Variants in CDH20 observed in about 807,000 individuals in gnomAD.
CDH20 encodes the protein cadherin 20.
A neutral mutation model predicts 74.2 loss-of-function variants in CDH20; 29 were observed. The ratio of observed to expected loss-of-function variants is 0.39; its 90% CI spans 0.29 to 0.53. The LOEUF is 0.53. CDH20 is among the 20% of genes least tolerant of loss of function. The pLI, the probability that CDH20 is intolerant of heterozygous loss-of-function variation, is 0.69. For synonymous variants in CDH20, 469 were observed against 405.4 expected (o/e 1.16, Z -1.88); for missense variants, 988 against 1,048.3 (o/e 0.94, Z 0.79).
chr18:61,371,550 C>A (rs1307860882), intron 1 of CDH20, among the ~76,000 whole-genome samples: 2 of 151,998 alleles, frequency 1.3e-5, no homozygotes, highest in East Asian at 1.9e-4. Flanking sequence ...GGAGAAAAAT[C>A]TTTTAAATAA....
intron 6 of CDH20, among the ~76,000 whole-genome samples, chr18:61,526,262 G>C (rs1912409429): frequency 6.6e-6 from 1 of 151,084 alleles, no homozygotes; most frequent in South Asian, 2.1e-4. Flanking sequence ...CCGAGTAGCT[G>C]GGATTACAGG....
At chr18:61,337,892 A>G (rs555972997) in intron 1 of CDH20, among the ~76,000 whole-genome samples, 205 of 152,380 alleles carry the variant, frequency 1.3e-3, no homozygotes, top group Non-Finnish European at 1.1e-3. Flanking sequence ...TGAATATAAA[A>G]AAGGAACATC....
intron 9 of CDH20, 59 bp downstream of exon 9, chr18:61,539,204 T>G (rs1473611661): frequency 4.3e-5 from 67 of 1,572,116 alleles, no homozygotes; most frequent in Non-Finnish European, 5.6e-5. Flanking sequence ...AAACAATTGT[T>G]AGATAACCAA....
At position 61,395,297 on chromosome 18, in the gene CDH20, T is replaced by C. The variant is rs149528430; in HGVS notation, c.-153+61470T>C. On this transcript the variant is annotated intron_variant, in intron 1 of 11. Transcript: ENST00000262717. The stretch of plus-strand genomic sequence containing the variant: ...TACAAGCCTTTGTAACCCTCACTGT[T>C]CTCATCTATAAAATGAATGTAACAA... Among the ~76,000 whole-genome samples the C allele has an allele frequency of 7.1e-4, 108 of 152,290 alleles. 1 individual carries two copies. Among genetic ancestry groups the C allele is most frequent in the African/African-American group, 2.4e-3 (101 of 41,554 alleles).
chr18:61,427,356 A>G (rs1913106824), intron 1 of CDH20, among the ~76,000 whole-genome samples: 1 of 152,192 alleles, frequency 6.6e-6, no homozygotes, highest in Admixed American at 6.5e-5. Flanking sequence ...TTTATAGCAA[A>G]GTGAGGAACA....
chr18:61,481,152 A>G (rs1471689896), intron 1 of CDH20, among the ~76,000 whole-genome samples: 2 of 152,242 alleles, frequency 1.3e-5, no homozygotes, highest in African/African-American at 2.4e-5. Context: ...GATATTACCC[A>G]TGTCTTCAAA....
chr18:61,514,749 A>G (rs552282076), intron 6 of CDH20, among the ~76,000 whole-genome samples: 100 of 151,728 alleles, frequency 6.6e-4, no homozygotes, highest in Middle Eastern at 6.8e-3. Context: ...GTCTGTTGGA[A>G]TACCCTGCCG....
At chr18:61,550,999 A>C (rs1913413994) in intron 11 of CDH20, among the ~76,000 whole-genome samples, 1 of 152,202 alleles carries the variant, frequency 6.6e-6, no homozygotes, top group South Asian at 2.1e-4. Flanking sequence ...CAGTGACTAA[A>C]CAGGGTCAGT....
chr18:61,488,712 T>TG (rs1555680222), intron 1 of CDH20, among the ~76,000 whole-genome samples: 3 of 152,100 alleles, frequency 2.0e-5, no homozygotes, highest in African/African-American at 7.2e-5. Context: ...GCAGTGGCTT[T>TG]TTTTTTGTTT....
chr18:61,335,700 T>G (rs1481273594), intron 1 of CDH20, among the ~76,000 whole-genome samples: 1 of 152,218 alleles, frequency 6.6e-6, no homozygotes, highest in East Asian at 1.9e-4. Context: ...TGAGATGATC[T>G]AATTTTGTAT....
At chr18:61,429,619 G>A (rs1351540173) in intron 1 of CDH20, among the ~76,000 whole-genome samples, 1 of 152,076 alleles carries the variant, frequency 6.6e-6, no homozygotes, top group Non-Finnish European at 1.5e-5. Context: ...CAAACCACCT[G>A]GAGGAAGTCC....
At position 61,530,152 on chromosome 18, in the gene CDH20, G is replaced by GA. The variant is rs550744417; in HGVS notation, c.1271+1935dup. Among the ~76,000 whole-genome samples the GA allele has an allele frequency of 3.0e-4, 46 of 152,310 alleles. No homozygotes were observed. The East Asian group carries it at 6.0e-3, about 20-fold the overall frequency. ...TCTCCCTCTGCATTTTGGTTACAAAGAAAGAGAGGAATTCTTATTGCTAGG... is the reference window on the plus strand; with the variant it reads ...TCTCCCTCTGCATTTTGGTTACAAAGAAAAGAGAGGAATTCTTATTGCTAGG... On this transcript the variant is annotated intron_variant, in intron 7 of 11. Coordinates refer to ENST00000262717, the MANE Select transcript of CDH20 (RefSeq NM_031891.4).
At chr18:61,363,347 A>T (rs1368727469) in intron 1 of CDH20, among the ~76,000 whole-genome samples, 2 of 152,106 alleles carry the variant, frequency 1.3e-5, no homozygotes, top group East Asian at 3.9e-4. Flanking sequence ...GGTACCCAAG[A>T]ATTTTCCTGC....
chr18:61,493,287 C>T (rs976031754), intron 2 of CDH20, among the ~76,000 whole-genome samples: 5 of 152,150 alleles, frequency 3.3e-5, no homozygotes, highest in African/African-American at 1.2e-4. Context: ...TGATCCTTTG[C>T]TCTTCCTGAT....
chr18:61,545,397 C>A (rs949434771), intron 10 of CDH20, among the ~76,000 whole-genome samples: 1 of 151,818 alleles, frequency 6.6e-6, no homozygotes, highest in African/African-American at 2.4e-5. Flanking sequence ...CATGAGCCAC[C>A]GTGCCCAGCC....
At chr18:61,412,451 T>C (rs992572315) in intron 1 of CDH20, among the ~76,000 whole-genome samples, 1 of 152,164 alleles carries the variant, frequency 6.6e-6, no homozygotes, top group Non-Finnish European at 1.5e-5. Context: ...CATATCTTGT[T>C]ACTCTTCTAG....
At chr18:61,418,293 G>A (rs1451974083) in intron 1 of CDH20, among the ~76,000 whole-genome samples, 1 of 152,042 alleles carries the variant, frequency 6.6e-6, no homozygotes, top group African/African-American at 2.4e-5. Context: ...GGTGGCTCAC[G>A]CCTGTAATCC....
rs1214509218 is a variant in CDH20 at position 61,555,678 on chromosome 18, G to A, written c.*983G>A. 2.1e-6 allele frequency: 2 copies of A among 968,448 alleles called. No individual in the cohort carries two copies. The highest frequency in any genetic ancestry group is 2.5e-6 in the Non-Finnish European group (2 of 814,450). 60.0% of individuals were successfully genotyped at this position (968,448 alleles called of 1,614,324 possible). A position where few individuals can be genotyped will look rare whatever the true frequency, so the allele number is the denominator to read the frequency against. Reference sequence around the variant, plus strand: ...ATAAATGGATGTAAGAAAATTACATGTACAAGTTTTGTATATTTGTTAATA... The same window carrying A: ...ATAAATGGATGTAAGAAAATTACATATACAAGTTTTGTATATTTGTTAATA... On this transcript the variant is annotated 3_prime_UTR_variant, in exon 12 of 12. Transcript: ENST00000262717.
At chr18:61,464,781 T>TAATA (rs1909909526) in intron 1 of CDH20, among the ~76,000 whole-genome samples, 1 of 152,194 alleles carries the variant, frequency 6.6e-6, no homozygotes. Context: ...TCACAGTGAA[T>TAATA]AATAGCCAGA....
Sources: gnomAD v4.1 joint callset for allele counts (sites outside exome capture counted in the v4.1 genomes callset) on GRCh38, gnomAD v4.1.1 for gene constraint, MANE v1.5 for transcripts, NCBI Gene and HGNC (gene_info 2026-07-23, HGNC 2026-07-21) for gene names.